CHD2: variants seen among roughly 807,000 people sequenced by gnomAD.
CHD2 encodes the protein chromodomain helicase DNA binding protein 2.
In CHD2, 28 loss-of-function variants were observed where a neutral mutation model predicts 243.9. The observed-to-expected ratio is 0.11, with a 90% CI of 0.09 to 0.16. The LOEUF is 0.16. Ranked by LOEUF, CHD2 falls within the 10% of genes least tolerant of loss-of-function variation. CHD2 has a pLI of 1.00. For synonymous variants in CHD2, 775 were observed against 779.0 expected, an observed-to-expected ratio of 0.99 and a Z score of 0.09; for missense variants, 1,386 against 2,209.8, an observed-to-expected ratio of 0.63 and a Z score of 7.47.
chr15:92,917,305 T>C (rs547759450), intron 2 of CHD2, among the ~76,000 whole-genome samples: 29 of 152,322 alleles, frequency 1.9e-4, no homozygotes, highest in Non-Finnish European at 3.8e-4. Flanking sequence ...ATGCCTGTAA[T>C]CCTAGCACTT....
chr15:93,018,451 C>T (rs192028068), intron 37 of CHD2, among the ~76,000 whole-genome samples: 3 of 152,278 alleles, frequency 2.0e-5, no homozygotes, highest in African/African-American at 7.2e-5. Context: ...GGTGGCATGT[C>T]TTTGATCTTC....
chr15:92,912,840 G>A (rs1024314387), intron 2 of CHD2, among the ~76,000 whole-genome samples: 1 of 152,220 alleles, frequency 6.6e-6, no homozygotes. Context: ...GTGAGCCACT[G>A]CGCCAGGCCC....
intron 34 of CHD2, among the ~76,000 whole-genome samples, chr15:93,005,244 A>C (rs1003605961): frequency 1.6e-4 from 24 of 152,150 alleles, no homozygotes; most frequent in African/African-American, 5.8e-4. Context: ...AATTTGACCT[A>C]GTCAGGGGTT....
Position 92,946,056 on chromosome 15 carries a change from C to T in CHD2, c.1217C>T (p.Ala406Val), listed in dbSNP as rs751197627. 1.3e-6 allele frequency: 2 copies of T among 1,586,182 alleles called. No homozygotes were observed. The highest frequency in any genetic ancestry group is 1.2e-5 in the South Asian group (1 of 86,524). The change falls in exon 12 of 39, where the codon GCA becomes GTA. Residue 406 changes from alanine (A) to valine (V), a missense_variant. This residue lies in a region of CHD2 where 200 missense variants were observed against 292.5 expected (regional missense o/e 0.68). Transcript: ENST00000394196. ...TDFPAHSRKP[A>V]PSNEPEYLCK... ...GAAATAGCTCATAGTCGGAAGCCGG[C>T]ACCCTCAAATGAGCCCGAATATCTA...
chr15:93,017,492 ATTTTTTTTTTTTTT>A (rs760713016), intron 37 of CHD2, among the ~76,000 whole-genome samples: 11 of 96,804 alleles, frequency 1.1e-4, no homozygotes, highest in East Asian at 2.8e-4. Flanking sequence ...TGCCGGGCTA[ATTTTTTTTTTTTTT>A]TTTTTTTTTT....
intron 22 of CHD2, 107 bp from the exon 23 acceptor site, chr15:92,980,708 T>C (rs1039514968): frequency 1.4e-6 from 1 of 728,934 alleles, no homozygotes; most frequent in African/African-American, 1.8e-5. Flanking sequence ...AGGCAGAGTT[T>C]ATATTTTCAG....
Position 92,924,317 on chromosome 15 carries a change from T to G in CHD2, c.63-4T>G. ...TTTTAAATCTCTCTCTCTCTCAAAA[T>G]AAGTCACTCAGCCTCTGAAGAAGCT... On this transcript the variant is annotated splice_polypyrimidine_tract_variant and splice_region_variant and intron_variant, in intron 2 of 38. Transcript: ENST00000394196. 6.2e-7 allele frequency: 1 copy of G among 1,612,550 alleles called. No individual in the cohort carries two copies. Among genetic ancestry groups the G allele is most frequent in the Non-Finnish European group, 8.5e-7 (1 of 1,178,988 alleles).
intron 13 of CHD2, among the ~76,000 whole-genome samples, chr15:92,950,766 A>AC (rs398028389): frequency 8.6e-5 from 13 of 151,450 alleles, no homozygotes; most frequent in Admixed American, 1.3e-4. Flanking sequence ...AAAAAAAAAA[A>AC]GGACAGCTTA....
At chr15:92,922,883 G>C (rs561153486) in intron 2 of CHD2, among the ~76,000 whole-genome samples, 2 of 152,192 alleles carry the variant, frequency 1.3e-5, no homozygotes, top group South Asian at 2.1e-4. Flanking sequence ...GCTTGAGATT[G>C]ATACTCTATC....
chr15:92,925,541 C>T (rs578156522), intron 3 of CHD2, among the ~76,000 whole-genome samples: 1 of 152,282 alleles, frequency 6.6e-6, no homozygotes, highest in East Asian at 1.9e-4. Context: ...TGATTTTGCC[C>T]TCCCAGTTAA....
chr15:93,020,000 C>T lies in CHD2; in HGVS notation c.4907-12C>T, dbSNP rs374914368. 6.2e-7 allele frequency: 1 copy of T among 1,604,726 alleles called. No homozygotes were observed. The highest frequency in any genetic ancestry group is 1.1e-5 in the South Asian group (1 of 90,672). The stretch of plus-strand genomic sequence containing the variant: ...TCTTGCAGTCATCAGATCATTCTTT[C>T]TTTTCCTGCAGATCGAGGAGACTGG... On this transcript the variant is annotated splice_polypyrimidine_tract_variant and intron_variant, in intron 37 of 38. Transcript: ENST00000394196.
rs995120732 is a variant in CHD2 at position 92,980,979 on chromosome 15, A to T, written c.2973+68A>T. On this transcript the variant is annotated intron_variant, in intron 23 of 38. Coordinates refer to ENST00000394196, the MANE Select transcript of CHD2 (RefSeq NM_001271.4). ...ATCTGTGAGAGTCTAACTTTTCTGT[A>T]AGAAGATTCTGTTAGAGGCTTTTGT... is the stretch of plus-strand genomic sequence containing the variant. 12 of 1,054,582 alleles carry T rather than the reference A, an allele frequency of 1.1e-5. No individual in the cohort carries two copies. In the African/African-American group the frequency reaches 1.9e-4, roughly 17 times the overall value. 65.3% of individuals were successfully genotyped at this position (1,054,582 alleles called of 1,614,324 possible). A position where few individuals can be genotyped will look rare whatever the true frequency, so the allele number is the denominator to read the frequency against.
At chr15:92,908,771 A>G (rs1377757439) in intron 2 of CHD2, among the ~76,000 whole-genome samples, 2 of 152,182 alleles carry the variant, frequency 1.3e-5, no homozygotes, top group Non-Finnish European at 1.5e-5. Context: ...TTGATGGAAG[A>G]GGATGTTTCT....
At chr15:92,957,308 A>C (rs990011135) in intron 16 of CHD2, among the ~76,000 whole-genome samples, 9 of 152,186 alleles carry the variant, frequency 5.9e-5, no homozygotes, top group African/African-American at 2.2e-4. Context: ...AGCCATTACT[A>C]TTCCTTCTTG....
At chr15:93,015,425 A>G (rs564535829) in intron 37 of CHD2, among the ~76,000 whole-genome samples, 5 of 152,330 alleles carry the variant, frequency 3.3e-5, no homozygotes, top group Admixed American at 6.5e-5. Flanking sequence ...CCCAGCTAAC[A>G]TGAACAAACG....
rs541307780 is a variant in CHD2, at chr15:92,968,583, T to G, written c.2189+1070T>G. Among the ~76,000 whole-genome samples the G allele has an allele frequency of 4.6e-5, 7 of 152,332 alleles. 1 individual carries two copies. Among genetic ancestry groups the G allele is most frequent in the African/African-American group, 1.7e-4 (7 of 41,578 alleles). On this transcript the variant is annotated intron_variant, in intron 17 of 38. Transcript: ENST00000394196. ...AGAGTACAAAAGGGTGATATTCAAA[T>G]TTTATCACTCACTTGTTTATTAGGT...
intron 9 of CHD2, 36 bp from the exon 10 acceptor site, chr15:92,944,379 G>C: frequency 1.6e-6 from 2 of 1,260,850 alleles, no homozygotes; most frequent in Non-Finnish European, 2.3e-6. Flanking sequence ...CCAGACTTTA[G>C]TTTATGTGTA....
rs565912109 is a variant in CHD2, at chr15:92,911,574, C to T, written c.62+10275C>T. ...CCAACATGGTGAAACCCTGTGTCTA[C>T]TAAAAATACAAAAATTAGCTGGATG... On this transcript the variant is annotated intron_variant, in intron 2 of 38. Coordinates refer to ENST00000394196, the MANE Select transcript of CHD2 (RefSeq NM_001271.4). Among the ~76,000 whole-genome samples the T allele has an allele frequency of 1.5e-3, 224 of 152,116 alleles. 2 individuals are homozygous for T. Among genetic ancestry groups the T allele is most frequent in the Non-Finnish European group, 2.0e-3 (134 of 67,984 alleles).
rs1018284227 is a variant in CHD2, at chr15:92,958,106, C to T, written c.2000+1457C>T. Among the ~76,000 whole-genome samples, 4 of 152,102 alleles carry T rather than the reference C, an allele frequency of 2.6e-5. No homozygotes were observed. The East Asian group carries it at 7.7e-4, about 29-fold the overall frequency. The stretch of plus-strand genomic sequence containing the variant: ...TTTGTGTGGACATATGTTTTTCTTT[C>T]TCTTGCTTAGAGACTTAGGAATAGA... On this transcript the variant is annotated intron_variant, in intron 16 of 38. Transcript: ENST00000394196.
Sources: gnomAD v4.1 joint callset for allele counts (sites outside exome capture counted in the v4.1 genomes callset) on GRCh38, gnomAD v4.1.1 for gene constraint, gnomAD v4.1.1 regional missense constraint, MANE v1.5 for transcripts, NCBI Gene and HGNC (gene_info 2026-07-23, HGNC 2026-07-21) for gene names.